PCDHGA7: variants seen among roughly 807,000 people sequenced by gnomAD.
PCDHGA7 encodes the protein protocadherin gamma subfamily A, 7.
PCDHGA7 carries 44 observed loss-of-function variants against 58.3 expected under a neutral mutation model. The ratio of observed to expected loss-of-function variants is 0.75; its 90% CI spans 0.59 to 0.97. The LOEUF is 0.97. PCDHGA7 is among the 50% of genes least tolerant of loss of function. The pLI, the probability that PCDHGA7 is intolerant of heterozygous loss-of-function variation, is 0.00. For synonymous variants in PCDHGA7, 516 were observed against 504.2 expected (o/e 1.02, Z -0.31); for missense variants, 1,266 against 1,188.7 (o/e 1.06, Z -0.96).
At position 141,408,935 on chromosome 5, in the gene PCDHGA7, G is replaced by A. The variant is rs773802276; in HGVS notation, c.2424+23612G>A. 6.8e-6 allele frequency: 11 copies of A among 1,613,590 alleles called. No homozygotes were observed. Among genetic ancestry groups the A allele is most frequent in the Non-Finnish European group, 9.3e-6 (11 of 1,179,752 alleles). ...TGATAACCCCCCGGTTTTCAGCAGAGACGAATATAGAATTAGTCTTAGTGA... is the reference window on the plus strand; with the variant it reads ...TGATAACCCCCCGGTTTTCAGCAGAAACGAATATAGAATTAGTCTTAGTGA... On this transcript the variant is annotated intron_variant, in intron 1 of 3. Coordinates refer to ENST00000518325, the MANE Select transcript of PCDHGA7 (RefSeq NM_018920.4).
At chr5:141,395,495 T>A (rs182989344) in intron 1 of PCDHGA7, 1 of 498,616 alleles carries the variant, frequency 2.0e-6, no homozygotes, top group East Asian at 3.5e-5. Context: ...TATCACTCAT[T>A]CACTTAAGAA....
intron 1 of PCDHGA7, chr5:141,433,042 G>A (rs752612411): frequency 6.2e-6 from 10 of 1,614,142 alleles, no homozygotes; most frequent in Non-Finnish European, 7.6e-6. Flanking sequence ...CCCTCACCAC[G>A]GACTCGCGGA....
chr5:141,490,882 A>G lies in PCDHGA7; in HGVS notation c.2425-3925A>G, dbSNP rs758716907. ...CGGCTCTCCCCCATTGCATGCCAAC[A>G]CATCTCTGCATGTGTTTGTCCTAGA... On this transcript the variant is annotated intron_variant, in intron 1 of 3. Coordinates refer to ENST00000518325, the MANE Select transcript of PCDHGA7 (RefSeq NM_018920.4). This position sits in a 1 kb window ranked among gnomAD's most constrained non-coding sequence, Gnocchi z 5.4. 6.2e-7 allele frequency: 1 copy of G among 1,613,848 alleles called. No individual in the cohort carries two copies. Among genetic ancestry groups the G allele is most frequent in the Non-Finnish European group, 8.5e-7 (1 of 1,179,920 alleles).
chr5:141,408,398 C>A, intron 1 of PCDHGA7: 3 of 1,614,028 alleles, frequency 1.9e-6, no homozygotes, highest in Non-Finnish European at 2.5e-6. Context: ...GGCTCGCAAG[C>A]TGCGAGTGAG....
rs775290219 is a variant in PCDHGA7 at position 141,423,576 on chromosome 5, G to A, written c.2424+38253G>A. On this transcript the variant is annotated intron_variant, in intron 1 of 3. Transcript: ENST00000518325. ...ACTATGGGGACACGCTCATCAGCCAGGAGAGCTGTGAGAAAAGCGAGCCAC... is the reference window on the plus strand; with the variant it reads ...ACTATGGGGACACGCTCATCAGCCAAGAGAGCTGTGAGAAAAGCGAGCCAC... The A allele has an allele frequency of 1.9e-6, 3 of 1,613,588 alleles. No homozygotes were observed. In the Admixed American group the frequency reaches 5.0e-5, roughly 27 times the overall value.
At chr5:141,401,033 C>T (rs1437899833) in intron 1 of PCDHGA7, among the ~76,000 whole-genome samples, 1 of 152,016 alleles carries the variant, frequency 6.6e-6, no homozygotes, top group Non-Finnish European at 1.5e-5. Context: ...TTTGAATCTC[C>T]TAAAATTTTA....
At chr5:141,423,838 T>G in intron 1 of PCDHGA7, 1 of 1,279,552 alleles carries the variant, frequency 7.8e-7, no homozygotes, top group South Asian at 3.5e-5. Context: ...GAGATTACGA[T>G]AATCTTTCAG....
rs200016406 is a variant in PCDHGA7 at position 141,383,092 on chromosome 5, C to G, written c.193C>G (p.Arg65Gly). The part of the protein sequence containing the change: ...EPRELAERGV[R>G]IISRGRTQLF... ...CCGGGAGCTGGCGGAGCGCGGAGTC[C>G]GCATCATCTCCAGAGGTAGGACGCA... is the stretch of plus-strand genomic sequence containing the variant. Residue 65 changes from arginine (R) to glycine (G), a missense_variant, in exon 1 of 4, where the codon CGC (arginine) becomes GGC (glycine). Transcript: ENST00000518325. 1 of 1,613,932 alleles carries G rather than the reference C, an allele frequency of 6.2e-7. No individual in the cohort carries two copies. Among genetic ancestry groups the G allele is most frequent in the South Asian group, 1.1e-5 (1 of 91,086 alleles).
Position 141,458,007 on chromosome 5 carries a change from C to T in PCDHGA7, c.2425-36800C>T, listed in dbSNP as rs142050242. Among the ~76,000 whole-genome samples the T allele has an allele frequency of 1.3e-3, 200 of 152,274 alleles. 1 individual carries two copies. The East Asian group carries it at 0.032, about 24-fold the overall frequency. ...TCAGTTAAAGCCTTGGCAAAATAAC[C>T]GGTTTTTCCAATTGTGTTCTGTTGA... On this transcript the variant is annotated intron_variant, in intron 1 of 3. Transcript: ENST00000518325.
At chr5:141,445,269 C>A (rs535300313) in intron 1 of PCDHGA7, among the ~76,000 whole-genome samples, 1 of 152,260 alleles carries the variant, frequency 6.6e-6, no homozygotes, top group Non-Finnish European at 1.5e-5. Flanking sequence ...AAGTCGAAAC[C>A]ACTCTGCATA....
At chr5:141,464,600 C>T (rs970370250) in intron 1 of PCDHGA7, among the ~76,000 whole-genome samples, 24 of 152,118 alleles carry the variant, frequency 1.6e-4, no homozygotes, top group Admixed American at 1.1e-3. Flanking sequence ...CCATAGTCTC[C>T]TTTGCAGAGT....
chr5:141,461,058 T>C (rs1450016344), intron 1 of PCDHGA7, among the ~76,000 whole-genome samples: 2 of 152,010 alleles, frequency 1.3e-5, no homozygotes, highest in Admixed American at 1.3e-4. Context: ...CTTAGGTTGG[T>C]TTCACATTTT....
intron 1 of PCDHGA7, chr5:141,414,197 T>C: frequency 3.1e-6 from 5 of 1,611,210 alleles, no homozygotes; most frequent in Non-Finnish European, 4.2e-6. Flanking sequence ...TTGATTACAG[T>C]AGAAGATGTA....
chr5:141,504,541 C>G (rs1050153403), intron 2 of PCDHGA7, among the ~76,000 whole-genome samples: 2 of 151,728 alleles, frequency 1.3e-5, no homozygotes, highest in Non-Finnish European at 2.9e-5. Context: ...GTCATCATGG[C>G]AAATGTTGGG....
rs2150246512 is a variant in PCDHGA7 at position 141,383,975 on chromosome 5, A to G, written c.1076A>G (p.Asp359Gly). The change falls in exon 1 of 4, where the codon GAC (aspartate) becomes GGC (glycine). Residue 359 changes from aspartate to glycine, a missense_variant. Transcript: ENST00000518325. ...TCTTTAAGTAGCTCAATCCCTGAAG[A>G]CACACCTCTTGGGACAGTCATTGCT... ...MTSLSSSIPEDTPLGTVIALF... is the reference protein window; with the variant it reads ...MTSLSSSIPEGTPLGTVIALF... 3 of 1,613,820 alleles carry G rather than the reference A, an allele frequency of 1.9e-6. No individual in the cohort carries two copies. The highest frequency in any genetic ancestry group is 2.2e-5 in the South Asian group (2 of 91,074).
In PCDHGA7 at chr5:141,477,250, C is replaced by G; in HGVS notation, c.2425-17557C>G. 6.2e-7 allele frequency: 1 copy of G among 1,614,190 alleles called. No homozygotes were observed. The highest frequency in any genetic ancestry group is 8.5e-7 in the Non-Finnish European group (1 of 1,180,040). On this transcript the variant is annotated intron_variant, in intron 1 of 3. Coordinates refer to ENST00000518325, the MANE Select transcript of PCDHGA7 (RefSeq NM_018920.4). The surrounding 1 kb of genome is among the most constrained non-coding windows in gnomAD (Gnocchi z 4.9). ...TCATCGCTTTGCTCAGTGTGACTGA[C>G]CTGGATGCTGGCGAGAACGGGCTGG...
chr5:141,510,854 T>A, intron 3 of PCDHGA7, 93 bp from the exon 4 acceptor site: 1 of 1,602,320 alleles, frequency 6.2e-7, no homozygotes, highest in East Asian at 2.2e-5. Context: ...CCCAGGGTGC[T>A]GTATAGGCAT....
intron 1 of PCDHGA7, among the ~76,000 whole-genome samples, chr5:141,444,482 T>G (rs1346576719): frequency 6.6e-6 from 1 of 152,000 alleles, no homozygotes; most frequent in Non-Finnish European, 1.5e-5. Context: ...CGTACTGGAT[T>G]TATATTGTGT....
chr5:141,403,069 A>T (rs747569947), intron 1 of PCDHGA7: 10 of 1,613,954 alleles, frequency 6.2e-6, no homozygotes, highest in Non-Finnish European at 7.6e-6. Context: ...CTGAAGAGAC[A>T]GAAAAGGGCT....
Sources: gnomAD v4.1 joint callset for allele counts (sites outside exome capture counted in the v4.1 genomes callset) on GRCh38, gnomAD v4.1.1 for gene constraint, Gnocchi (gnomAD v3.1) non-coding constraint, MANE v1.5 for transcripts, NCBI Gene and HGNC (gene_info 2026-07-23, HGNC 2026-07-21) for gene names.